GABRG3: variants seen among roughly 807,000 people sequenced by gnomAD.
GABRG3 encodes the protein gamma-aminobutyric acid receptor subunit gamma-3.
GABRG3 carries 25 observed loss-of-function variants against 48.8 expected under a neutral mutation model. That is an observed-to-expected ratio of 0.51 (90% CI 0.37 to 0.72). The LOEUF is 0.72. Among genes scored for constraint, GABRG3 ranks in the 30% least tolerant of loss-of-function variants. GABRG3 has a pLI of 0.00. For missense variants in GABRG3, 394 were observed against 577.9 expected, an observed-to-expected ratio of 0.68 and a Z score of 3.26; for synonymous variants, 227 against 217.6, an observed-to-expected ratio of 1.04 and a Z score of -0.38.
At chr15:27,330,421 C>G (rs897897485) in intron 5 of GABRG3, among the ~76,000 whole-genome samples, 1 of 152,204 alleles carries the variant, frequency 6.6e-6, no homozygotes, top group Admixed American at 6.5e-5. Flanking sequence ...CGCAAGTGTG[C>G]GGCCCGTGGA....
chr15:27,390,279 A>G (rs1165991774), intron 5 of GABRG3, among the ~76,000 whole-genome samples: 1 of 152,232 alleles, frequency 6.6e-6, no homozygotes, highest in African/African-American at 2.4e-5. Context: ...GTTCTGTAGA[A>G]ATTAAATTTG....
Position 27,145,601 on chromosome 15 carries a change from A to C in GABRG3, c.270+118780A>C, listed in dbSNP as rs867160348. On this transcript the variant is annotated intron_variant, in intron 3 of 9. Coordinates refer to ENST00000615808, the MANE Select transcript of GABRG3 (RefSeq NM_033223.5). Reference sequence around the variant, plus strand: ...CTACTAGGCATATATACATATATCTATCTCTATCTATCTATCTATCTATCT... The same window carrying C: ...CTACTAGGCATATATACATATATCTCTCTCTATCTATCTATCTATCTATCT... Among the ~76,000 whole-genome samples the C allele has an allele frequency of 6.4e-4, 40 of 62,416 alleles. 1 individual carries two copies. The highest frequency in any genetic ancestry group is 3.0e-3 in the South Asian group (6 of 2,028). 40.9% of individuals were successfully genotyped at this position (62,416 alleles called of 152,430 possible). A position where few individuals can be genotyped will look rare whatever the true frequency, so the allele number is the denominator to read the frequency against.
At position 27,346,914 on chromosome 15, in the gene GABRG3, C is replaced by T. The variant is rs376896823; in HGVS notation, c.574+18026C>T. On this transcript the variant is annotated intron_variant, in intron 5 of 9. Coordinates refer to ENST00000615808, the MANE Select transcript of GABRG3 (RefSeq NM_033223.5). ...ATTGGTTGTCTAATAATTCCAACAA[C>T]TGTGGCATATAGGAATGTGGCTCTA... 5.0e-4 allele frequency among the ~76,000 whole-genome samples: 76 copies of T among 152,298 alleles called. 1 individual carries two copies. The highest frequency in any genetic ancestry group is 1.8e-3 in the African/African-American group (73 of 41,570).
intron 3 of GABRG3, among the ~76,000 whole-genome samples, chr15:27,041,948 A>G (rs1216900530): frequency 1.3e-5 from 2 of 152,182 alleles, no homozygotes; most frequent in East Asian, 3.9e-4. Context: ...CTTCATGCAG[A>G]TGAAGGAAGG....
chr15:27,035,171 A>G (rs914345087), intron 3 of GABRG3, among the ~76,000 whole-genome samples: 8 of 152,180 alleles, frequency 5.3e-5, no homozygotes, highest in Non-Finnish European at 8.8e-5. Flanking sequence ...TGACATGTAA[A>G]ACTGCTTAAT....
chr15:27,351,987 G>GGTGT (rs557013854), intron 5 of GABRG3, among the ~76,000 whole-genome samples: 1 of 149,058 alleles, frequency 6.7e-6, no homozygotes, highest in Non-Finnish European at 1.5e-5. Flanking sequence ...GTGTGTGTAT[G>GGTGT]GTGTGTGTGT....
intron 3 of GABRG3, among the ~76,000 whole-genome samples, chr15:27,079,756 C>CA (rs1222444714): frequency 6.6e-6 from 1 of 152,128 alleles, no homozygotes; most frequent in Non-Finnish European, 1.5e-5. Context: ...ATACAGTCTC[C>CA]AACACTGTCC....
At chr15:27,202,545 A>G (rs914354301) in intron 3 of GABRG3, among the ~76,000 whole-genome samples, 1 of 152,170 alleles carries the variant, frequency 6.6e-6, no homozygotes, top group Non-Finnish European at 1.5e-5. Context: ...AGCACTGTAT[A>G]AATGTGACCA....
intron 3 of GABRG3, among the ~76,000 whole-genome samples, chr15:27,246,857 G>A (rs944166425): frequency 2.0e-4 from 31 of 152,212 alleles, no homozygotes; most frequent in Admixed American, 1.7e-3. Context: ...GACCTGAATG[G>A]AAGAACACGT....
At chr15:27,458,168 G>A (rs576613170) in intron 5 of GABRG3, among the ~76,000 whole-genome samples, 1 of 152,242 alleles carries the variant, frequency 6.6e-6, no homozygotes, top group East Asian at 1.9e-4. Context: ...CATCTTCACC[G>A]AAAGCACCCG....
chr15:26,974,843 TTTATTATTATTATTA>T lies in GABRG3; in HGVS notation c.54-2126_54-2112del, dbSNP rs59391125. Among the ~76,000 whole-genome samples, 1,584 of 140,842 alleles carry T rather than the reference TTTATTATTATTATTA, an allele frequency of 0.011. 13 individuals are homozygous for T. The highest frequency in any genetic ancestry group is 0.031 in the African/African-American group (1,206 of 38,392). The allele number at this position is 140,842 out of a possible 152,430, so 92.4% of individuals were successfully genotyped here. A position where few individuals can be genotyped will look rare whatever the true frequency, so the allele number is the denominator to read the frequency against. ...CAGATGACACGAAATATTTTTTAAA[TTTATTATTATTATTA>T]TTATTATTATTATTATTATTATTAT... On this transcript the variant is annotated intron_variant, in intron 1 of 9. Transcript: ENST00000615808. This position sits in a 1 kb window ranked among gnomAD's most constrained non-coding sequence, Gnocchi z 4.3.
At chr15:27,307,840 A>C (rs1892709728) in intron 3 of GABRG3, among the ~76,000 whole-genome samples, 1 of 136,272 alleles carries the variant, frequency 7.3e-6, no homozygotes, top group Admixed American at 7.7e-5. Flanking sequence ...ACATATATAA[A>C]ATAAACATGT....
intron 3 of GABRG3, among the ~76,000 whole-genome samples, chr15:27,148,558 A>G (rs1898252218): frequency 6.6e-6 from 1 of 152,156 alleles, no homozygotes; most frequent in South Asian, 2.1e-4. Flanking sequence ...AAAACTACAA[A>G]TCAACACCTC....
chr15:27,098,409 G>A (rs1046070164), intron 3 of GABRG3, among the ~76,000 whole-genome samples: 1 of 152,156 alleles, frequency 6.6e-6, no homozygotes, highest in Non-Finnish European at 1.5e-5. Flanking sequence ...ACTCCAGCCT[G>A]TGTGACAGAC....
chr15:27,230,273 A>G (rs969956913), intron 3 of GABRG3, among the ~76,000 whole-genome samples: 1 of 152,240 alleles, frequency 6.6e-6, no homozygotes, highest in South Asian at 2.1e-4. Context: ...GAGATGCACT[A>G]TAATGGTAAT....
chr15:27,099,684 A>G (rs1897323323), intron 3 of GABRG3, among the ~76,000 whole-genome samples: 2 of 149,984 alleles, frequency 1.3e-5, no homozygotes, highest in Admixed American at 6.7e-5. Flanking sequence ...AGAAAACTGT[A>G]CAAGTAATAT....
chr15:27,107,039 C>G (rs1462141342), intron 3 of GABRG3, among the ~76,000 whole-genome samples: 1 of 152,016 alleles, frequency 6.6e-6, no homozygotes, highest in African/African-American at 2.4e-5. Flanking sequence ...GCTAGGCTTT[C>G]CAGTAAGATA....
At chr15:27,166,591 C>T (rs1887381100) in intron 3 of GABRG3, among the ~76,000 whole-genome samples, 1 of 152,066 alleles carries the variant, frequency 6.6e-6, no homozygotes, top group Admixed American at 6.5e-5. Context: ...TTTCAGCTCC[C>T]ATGACTCGCA....
intron 3 of GABRG3, among the ~76,000 whole-genome samples, chr15:27,077,209 T>C (rs907877037): frequency 2.0e-5 from 3 of 152,190 alleles, no homozygotes; most frequent in Admixed American, 2.0e-4. Context: ...GCACCCTGCA[T>C]GCCCAGCCTC....
Sources: gnomAD v4.1 joint callset for allele counts (sites outside exome capture counted in the v4.1 genomes callset) on GRCh38, gnomAD v4.1.1 for gene constraint, Gnocchi (gnomAD v3.1) non-coding constraint, MANE v1.5 for transcripts, NCBI Gene and HGNC (gene_info 2026-07-23, HGNC 2026-07-21) for gene names.